Variants in LSM14A observed in about 807,000 individuals in gnomAD.
LSM14A encodes protein LSM14 homolog A.
A neutral mutation model predicts 52.4 loss-of-function variants in LSM14A; 14 were observed. The observed-to-expected ratio is 0.27, with a 90% CI of 0.18 to 0.42. The LOEUF is 0.42. LSM14A is among the 10% of genes least tolerant of loss of function. The probability of loss-of-function intolerance (pLI) is 1.00; values close to 1 mark genes in which losing one functional copy is unlikely to be tolerated. For missense variants in LSM14A, 417 were observed against 581.8 expected, an observed-to-expected ratio of 0.72 and a Z score of 2.91; for synonymous variants, 185 against 200.3, an observed-to-expected ratio of 0.92 and a Z score of 0.64.
At chr19:34,212,301 G>A (rs987006230) in intron 4 of LSM14A, among the ~76,000 whole-genome samples, 5 of 152,066 alleles carry the variant, frequency 3.3e-5, no homozygotes, top group African/African-American at 1.2e-4. Flanking sequence ...CACTAGCCTA[G>A]GCAACAGAGC....
At chr19:34,192,310 C>CTTTTTTTTTTTT (rs1568479681) in intron 1 of LSM14A, among the ~76,000 whole-genome samples, 2 of 51,654 alleles carry the variant, frequency 3.9e-5, no homozygotes, top group African/African-American at 1.4e-4. Context: ...AAATAACATT[C>CTTTTTTTTTTTT]TTTTTGTTGT....
chr19:34,190,122 T>G (rs546625893), intron 1 of LSM14A, among the ~76,000 whole-genome samples: 44 of 152,328 alleles, frequency 2.9e-4, no homozygotes, highest in African/African-American at 1.1e-3. Flanking sequence ...TCATGCCTCC[T>G]TCCTTTCTAC....
rs1950680107 is a variant in LSM14A at position 34,196,726 on chromosome 19, T to C, written c.378T>C (p.Ser126=). 1 of 1,612,978 alleles carries C rather than the reference T, an allele frequency of 6.2e-7. No homozygotes were observed. The highest frequency in any genetic ancestry group is 1.3e-5 in the African/African-American group (1 of 74,810). ...CCACATACAGTCAGTTCAGTCCGAGTTCCTTAGTTGGGCAGCAGTTTGGTG... is the reference window on the plus strand; with the variant it reads ...CCACATACAGTCAGTTCAGTCCGAGCTCCTTAGTTGGGCAGCAGTTTGGTG... ...RMPTYSQFSP[S]SLVGQQFGAV... Residue 126 remains serine (S), a synonymous_variant, in exon 3 of 10, where the codon AGT becomes AGC. Coordinates refer to ENST00000544216, the MANE Select transcript of LSM14A (RefSeq NM_015578.4).
intron 1 of LSM14A, among the ~76,000 whole-genome samples, chr19:34,192,070 G>A (rs1016602756): frequency 6.6e-6 from 1 of 152,024 alleles, no homozygotes; most frequent in African/African-American, 2.4e-5. Context: ...TGGTCTTTCA[G>A]TTTCAACTAA....
intron 8 of LSM14A, among the ~76,000 whole-genome samples, chr19:34,220,237 C>T (rs569505667): frequency 2.8e-4 from 42 of 152,174 alleles, no homozygotes; most frequent in South Asian, 2.1e-3. Flanking sequence ...GGATTACAGG[C>T]GTGAGCCACC....
intron 6 of LSM14A, among the ~76,000 whole-genome samples, chr19:34,215,877 T>G (rs1599714245): frequency 6.6e-6 from 1 of 152,286 alleles, no homozygotes; most frequent in African/African-American, 2.4e-5. Flanking sequence ...CATAGAACTA[T>G]GCATAAAGAC....
chr19:34,205,256 G>T lies in LSM14A; in HGVS notation c.416-3673G>T, dbSNP rs559839234. ...AATCCCAGCACTTTGGGAGGTCAAGGCGGGCAGATTACCTGAGGTCAGGAG... is the reference window on the plus strand; with the variant it reads ...AATCCCAGCACTTTGGGAGGTCAAGTCGGGCAGATTACCTGAGGTCAGGAG... On this transcript the variant is annotated intron_variant, in intron 3 of 9. Coordinates refer to ENST00000544216, the MANE Select transcript of LSM14A (RefSeq NM_015578.4). 6.2e-4 allele frequency among the ~76,000 whole-genome samples: 94 copies of T among 151,790 alleles called. 1 individual carries two copies. Among genetic ancestry groups the T allele is most frequent in the Admixed American group, 1.2e-3 (18 of 15,254 alleles).
intron 1 of LSM14A, among the ~76,000 whole-genome samples, chr19:34,188,738 G>C (rs1022170885): frequency 2.6e-4 from 40 of 152,104 alleles, no homozygotes; most frequent in African/African-American, 9.6e-4. Context: ...CTTTTACTCA[G>C]CATAATGCTT....
chr19:34,221,967 A>G, intron 9 of LSM14A: 1 of 563,206 alleles, frequency 1.8e-6, no homozygotes, highest in Non-Finnish European at 2.3e-6. Context: ...TATACTTTTA[A>G]CACCCAAAGA....
At chr19:34,181,005 A>G (rs1160648785) in intron 1 of LSM14A, among the ~76,000 whole-genome samples, 5 of 152,208 alleles carry the variant, frequency 3.3e-5, no homozygotes, top group Non-Finnish European at 2.9e-5. Flanking sequence ...TAACTGAGAA[A>G]AGAACAGCAA....
At chr19:34,197,431 CTTTTTTTTTT>C (rs531343486) in intron 3 of LSM14A, among the ~76,000 whole-genome samples, 1 of 63,304 alleles carries the variant, frequency 1.6e-5, no homozygotes, top group Non-Finnish European at 2.8e-5. Flanking sequence ...ATTTCTTTTT[CTTTTTTTTTT>C]TTTTTTTTTT....
chr19:34,195,974 A>G (rs979526863), intron 2 of LSM14A, among the ~76,000 whole-genome samples: 1 of 152,232 alleles, frequency 6.6e-6, no homozygotes, highest in Non-Finnish European at 1.5e-5. Flanking sequence ...ACACACAGAA[A>G]AGGTCCTGCC....
chr19:34,192,632 C>CAAACAAAAAAAAAAAAAAAAAAAAAAAA (rs2070516901), intron 1 of LSM14A, among the ~76,000 whole-genome samples: 1 of 76,952 alleles, frequency 1.3e-5, no homozygotes, highest in African/African-American at 5.0e-5. Context: ...ATCAGTTCTG[C>CAAACAAAAAAAAAAAAAAAAAAAAAAAA]AAAAAAAAAA....
chr19:34,196,579 T>A (rs2070854398), intron 2 of LSM14A, 55 bp from the exon 3 acceptor site: 1 of 1,495,564 alleles, frequency 6.7e-7, no homozygotes, highest in Non-Finnish European at 8.9e-7. Flanking sequence ...ATTTTTTTTT[T>A]CGTTATATAC....
intron 4 of LSM14A, among the ~76,000 whole-genome samples, chr19:34,210,974 T>C (rs561045938): frequency 6.6e-6 from 1 of 152,036 alleles, no homozygotes; most frequent in South Asian, 2.1e-4. Context: ...GAACTTAAAT[T>C]AGGCACAGGC....
chr19:34,217,837 A>C (rs1441229649), intron 6 of LSM14A, among the ~76,000 whole-genome samples: 1 of 151,444 alleles, frequency 6.6e-6, no homozygotes, highest in African/African-American at 2.4e-5. Context: ...TATTCAGAAA[A>C]AGAGAGAGCT....
chr19:34,200,434 T>G (rs959953508), intron 3 of LSM14A, among the ~76,000 whole-genome samples: 1 of 152,242 alleles, frequency 6.6e-6, no homozygotes, highest in East Asian at 1.9e-4. Context: ...TTGTTAATTT[T>G]CTGGTTAATC....
chr19:34,209,143 C>T (rs1200270036), intron 4 of LSM14A, 92 bp downstream of exon 4: 10 of 1,105,818 alleles, frequency 9.0e-6, no homozygotes, highest in Non-Finnish European at 1.1e-5. Context: ...GCTTGTAAAT[C>T]GCGTGTATAA....
At chr19:34,201,246 T>C (rs2071262909) in intron 3 of LSM14A, among the ~76,000 whole-genome samples, 1 of 152,230 alleles carries the variant, frequency 6.6e-6, no homozygotes, top group South Asian at 2.1e-4. Context: ...GTGGAGTGGC[T>C]AATTAGAAAA....
Sources: allele counts gnomAD v4.1 joint callset (sites outside exome capture counted in the v4.1 genomes callset), GRCh38; gene constraint gnomAD v4.1.1; transcripts MANE v1.5; gene names NCBI Gene and HGNC (gene_info 2026-07-23, HGNC 2026-07-21).